Variants in NR3C2 observed in about 807,000 individuals in gnomAD.
NR3C2 encodes the protein nuclear receptor subfamily 3 group C member 2.
Under a neutral mutation model 86.4 loss-of-function variants are expected in NR3C2, and 15 were observed. The ratio of observed to expected loss-of-function variants is 0.17; its 90% confidence interval spans 0.12 to 0.27. NR3C2 has a LOEUF of 0.27. Among genes scored for constraint, NR3C2 ranks in the 10% least tolerant of loss-of-function variants. The pLI, the probability that NR3C2 is intolerant of heterozygous loss-of-function variation, is 1.00. For missense variants in NR3C2, 960 were observed against 1,195.6 expected (o/e 0.80, Z 2.91); for synonymous variants, 458 against 450.5 (o/e 1.02, Z -0.21).
At chr4:148,149,706 T>C (rs935393971) in intron 6 of NR3C2, among the ~76,000 whole-genome samples, 1 of 152,116 alleles carries the variant, frequency 6.6e-6, no homozygotes, top group Non-Finnish European at 1.5e-5. Context: ...ACAACTCAAG[T>C]ACAAAAAGAC....
intron 2 of NR3C2, among the ~76,000 whole-genome samples, chr4:148,336,141 C>A (rs894519201): frequency 2.6e-5 from 4 of 152,146 alleles, no homozygotes; most frequent in Non-Finnish European, 5.9e-5. Context: ...CATCTTCTGG[C>A]AGCCTGTGCT....
intron 3 of NR3C2, among the ~76,000 whole-genome samples, chr4:148,205,948 G>T (rs1425111527): frequency 1.3e-5 from 2 of 152,128 alleles, no homozygotes; most frequent in Non-Finnish European, 2.9e-5. Context: ...GCACAGTGGG[G>T]TGTATGTGTA....
chr4:148,352,256 T>C (rs1164868014), intron 2 of NR3C2, among the ~76,000 whole-genome samples: 1 of 152,206 alleles, frequency 6.6e-6, no homozygotes, highest in African/African-American at 2.4e-5. Flanking sequence ...GGGTGATTTG[T>C]AGAGTAAAGC....
At chr4:148,177,110 AATC>A (rs1402709376) in intron 4 of NR3C2, among the ~76,000 whole-genome samples, 1 of 152,206 alleles carries the variant, frequency 6.6e-6, no homozygotes, top group Non-Finnish European at 1.5e-5. Flanking sequence ...TCAAACTGTA[AATC>A]ATCATTTTTT....
At chr4:148,145,179 T>A (rs1207870848) in intron 6 of NR3C2, among the ~76,000 whole-genome samples, 2 of 152,160 alleles carry the variant, frequency 1.3e-5, no homozygotes, top group Non-Finnish European at 2.9e-5. Flanking sequence ...AGCACGCGCA[T>A]GAAGAGGCAA....
rs536720339 is a variant in NR3C2 at position 148,340,594 on chromosome 4, G to C, written c.1758-80477C>G. Among the ~76,000 whole-genome samples, 10 of 152,160 alleles carry C rather than the reference G, an allele frequency of 6.6e-5. No homozygotes were observed. In the South Asian group the frequency reaches 1.7e-3, roughly 25 times the overall value. Reference sequence around the variant, plus strand: ...GCCTAGACAAAGATTTGTTGGGTAAGACCTCAAATGAACAGGCAACAAAAG... The same window carrying C: ...GCCTAGACAAAGATTTGTTGGGTAACACCTCAAATGAACAGGCAACAAAAG... On this transcript the variant is annotated intron_variant, in intron 2 of 8. Coordinates refer to ENST00000358102, the MANE Select transcript of NR3C2 (RefSeq NM_000901.5).
At chr4:148,228,223 C>T (rs1440304138) in intron 3 of NR3C2, among the ~76,000 whole-genome samples, 1 of 152,036 alleles carries the variant, frequency 6.6e-6, no homozygotes, top group Non-Finnish European at 1.5e-5. Context: ...CACAAATATG[C>T]AGATATACGT....
chr4:148,258,475 C>T (rs1739933200), intron 3 of NR3C2, among the ~76,000 whole-genome samples: 1 of 152,126 alleles, frequency 6.6e-6, no homozygotes, highest in South Asian at 2.1e-4. Flanking sequence ...AACGTCCTTC[C>T]CCATTCTTGG....
chr4:148,319,701 T>A lies in NR3C2; in HGVS notation c.1758-59584A>T, dbSNP rs1469359650. 2.0e-5 allele frequency among the ~76,000 whole-genome samples: 3 copies of A among 151,236 alleles called. No individual in the cohort carries two copies. The South Asian group carries it at 6.3e-4, about 32-fold the overall frequency. On this transcript the variant is annotated intron_variant, in intron 2 of 8. Transcript: ENST00000358102. ...TTTGTCTGTTGTTGGTGTATAAGAA[T>A]GCTTGTGATTTTTGTACATTGATTT...
At chr4:148,174,969 A>G (rs932344856) in intron 4 of NR3C2, among the ~76,000 whole-genome samples, 1 of 152,214 alleles carries the variant, frequency 6.6e-6, no homozygotes, top group Non-Finnish European at 1.5e-5. Flanking sequence ...AGTGAGATAC[A>G]AAACTGGTAA....
intron 2 of NR3C2, among the ~76,000 whole-genome samples, chr4:148,304,463 T>C (rs1742507070): frequency 6.6e-6 from 1 of 151,682 alleles, no homozygotes; most frequent in African/African-American, 2.4e-5. Context: ...TCAGTTTGTC[T>C]CTTCTCACCT....
At chr4:148,352,629 T>G (rs1162851957) in intron 2 of NR3C2, among the ~76,000 whole-genome samples, 1 of 152,182 alleles carries the variant, frequency 6.6e-6, no homozygotes, top group Non-Finnish European at 1.5e-5. Flanking sequence ...TGATCTCTAT[T>G]TATCTTATTC....
chr4:148,356,206 G>A (rs1363356867), intron 2 of NR3C2, among the ~76,000 whole-genome samples: 1 of 152,160 alleles, frequency 6.6e-6, no homozygotes, highest in Admixed American at 6.5e-5. Flanking sequence ...CTGTAATAAA[G>A]TATGATCACT....
intron 2 of NR3C2, among the ~76,000 whole-genome samples, chr4:148,373,893 G>T (rs1277663650): frequency 6.6e-6 from 1 of 152,148 alleles, no homozygotes; most frequent in Admixed American, 6.5e-5. Context: ...CCTTATTCTA[G>T]AAGCAAGAAA....
intron 8 of NR3C2, among the ~76,000 whole-genome samples, chr4:148,103,665 C>A (rs1233837947): frequency 6.6e-6 from 1 of 152,222 alleles, no homozygotes; most frequent in East Asian, 1.9e-4. Context: ...GCCTCTCGCT[C>A]TATGAACCTA....
intron 4 of NR3C2, among the ~76,000 whole-genome samples, chr4:148,186,735 T>A (rs1735913041): frequency 6.6e-6 from 1 of 151,728 alleles, no homozygotes; most frequent in Non-Finnish European, 1.5e-5. Flanking sequence ...CTGCACCATA[T>A]TTGTAGTAGT....
At chr4:148,267,040 T>C (rs915455492) in intron 2 of NR3C2, among the ~76,000 whole-genome samples, 3 of 152,168 alleles carry the variant, frequency 2.0e-5, no homozygotes, top group African/African-American at 7.2e-5. Context: ...TTTTTGTAGA[T>C]AACAGAATTA....
rs138652993 is a variant in NR3C2 at position 148,109,741 on chromosome 4, C to T, written c.2799+4363G>A. Among the ~76,000 whole-genome samples, 206 of 152,284 alleles carry T rather than the reference C, an allele frequency of 1.4e-3. 2 individuals are homozygous for T. The highest frequency in any genetic ancestry group is 4.7e-3 in the African/African-American group (196 of 41,554). On this transcript the variant is annotated intron_variant, in intron 8 of 8. Coordinates refer to ENST00000358102, the MANE Select transcript of NR3C2 (RefSeq NM_000901.5). ...AGGTTGCTATCTTATTTATTGTTAT[C>T]CTCTGCAGCACTGTCTATACTGCTA...
intron 3 of NR3C2, among the ~76,000 whole-genome samples, chr4:148,211,359 C>T (rs1181338822): frequency 6.6e-6 from 1 of 152,162 alleles, no homozygotes; most frequent in Admixed American, 6.5e-5. Flanking sequence ...ACTGTGATCA[C>T]ACGAGAATCT....
Sources: allele counts gnomAD v4.1 joint callset (sites outside exome capture counted in the v4.1 genomes callset), GRCh38; gene constraint gnomAD v4.1.1; transcripts MANE v1.5; gene names NCBI Gene and HGNC (gene_info 2026-07-23, HGNC 2026-07-21).